THOC7: variants seen among roughly 807,000 people sequenced by gnomAD.
THOC7 encodes THO complex subunit 7.
A neutral mutation model predicts 33.1 loss-of-function variants in THOC7; 22 were observed. That is an observed-to-expected ratio of 0.66 (90% CI 0.47 to 0.95). The LOEUF is 0.95. THOC7 is among the 40% of genes least tolerant of loss of function. The pLI, the probability that THOC7 is intolerant of heterozygous loss-of-function variation, is 0.00. For missense variants in THOC7, 184 were observed against 245.3 expected (o/e 0.75, Z 1.67); for synonymous variants, 77 against 76.8 (o/e 1.00, Z -0.01).
At chr3:63,863,859 A>T, upstream of THOC7, 2 of 1,205,112 alleles carry the variant, frequency 1.7e-6, no homozygotes, top group Non-Finnish European at 1.0e-6. Flanking sequence ...GGCGGAGGTC[A>T]AACTCCCACA....
At chr3:63,834,351 G>T in intron 7 of THOC7, 152 bp from the exon 8 acceptor site, 1 of 731,698 alleles carries the variant, frequency 1.4e-6, no homozygotes, top group Non-Finnish European at 2.1e-6. Flanking sequence ...TTATGTGATA[G>T]ACTTCACTTA....
intron 1 of THOC7, among the ~76,000 whole-genome samples, chr3:63,844,125 A>G (rs1417185188): frequency 1.3e-5 from 2 of 152,232 alleles, no homozygotes; most frequent in East Asian, 3.9e-4. Flanking sequence ...GCATGATCAC[A>G]CTTACATATG....
intron 1 of THOC7, among the ~76,000 whole-genome samples, chr3:63,861,306 T>G (rs1702206640): frequency 6.6e-6 from 1 of 152,170 alleles, no homozygotes; most frequent in Admixed American, 6.5e-5. Flanking sequence ...CAAAGCCTGT[T>G]GCTCCTTTGG....
chr3:63,844,505 A>G (rs1315738283), intron 1 of THOC7, among the ~76,000 whole-genome samples: 1 of 152,232 alleles, frequency 6.6e-6, no homozygotes, highest in Non-Finnish European at 1.5e-5. Context: ...AAATAAATAC[A>G]TAAAAAAGAA....
chr3:63,859,253 T>C (rs577010760), intron 1 of THOC7, among the ~76,000 whole-genome samples: 1 of 152,386 alleles, frequency 6.6e-6, no homozygotes, highest in Admixed American at 6.5e-5. Flanking sequence ...ATCTAAAAGA[T>C]GAATTGGATC....
At chr3:63,835,696 T>C (rs1387329473) in intron 5 of THOC7, among the ~76,000 whole-genome samples, 1 of 152,120 alleles carries the variant, frequency 6.6e-6, no homozygotes, top group Non-Finnish European at 1.5e-5. Flanking sequence ...GAGGGTTTTT[T>C]ATTTTGGTAA....
chr3:63,853,401 C>T (rs1394595470), intron 1 of THOC7, among the ~76,000 whole-genome samples: 12 of 152,026 alleles, frequency 7.9e-5, no homozygotes, highest in Non-Finnish European at 1.5e-4. Context: ...ACCAGAAAAA[C>T]GAAACAAAAC....
At position 63,838,511 on chromosome 3, in the gene THOC7, G is replaced by C; in HGVS notation, c.138-12C>G. The C allele has an allele frequency of 6.3e-7, 1 of 1,575,958 alleles. No homozygotes were observed. The highest frequency in any genetic ancestry group is 8.6e-7 in the Non-Finnish European group (1 of 1,169,480). ...GGTACTGGCTATATCTAATGAAAAA[G>C]AAAGAAAACCAAAATAAAGATATTT... On this transcript the variant is annotated splice_polypyrimidine_tract_variant and intron_variant, in intron 2 of 7. Transcript: ENST00000295899.
chr3:63,863,715 C>G, intron 1 of THOC7, 57 bp downstream of exon 1: 1 of 1,248,578 alleles, frequency 8.0e-7, no homozygotes, highest in Non-Finnish European at 1.0e-6. Flanking sequence ...CCAGGGGTCT[C>G]AGGGGAGGCC....
rs570372737 is a variant in THOC7, at chr3:63,862,976, A to C, written c.19+796T>G. 4.6e-5 allele frequency among the ~76,000 whole-genome samples: 7 copies of C among 151,894 alleles called. 1 individual carries two copies. The highest frequency in any genetic ancestry group is 4.6e-4 in the Admixed American group (7 of 15,274). ...ATCCCAGCTGACAACCACCCTTCCT[A>C]ACACACACACATACATCTTTTATCG... On this transcript the variant is annotated intron_variant, in intron 1 of 7. Transcript: ENST00000295899.
Position 63,846,127 on chromosome 3 carries a change from C to A in THOC7, c.20-6354G>T, listed in dbSNP as rs531769076. 144 of 406,674 alleles carry A rather than the reference C, an allele frequency of 3.5e-4. 5 individuals are homozygous for A. Among genetic ancestry groups the A allele is most frequent in the South Asian group, 2.5e-3 (141 of 56,754 alleles). The allele number at this position is 406,674 out of a possible 1,614,324, so 25.2% of individuals were successfully genotyped here. A position where few individuals can be genotyped will look rare whatever the true frequency, so the allele number is the denominator to read the frequency against. Reference sequence around the variant, plus strand: ...ACCAAGGATGGTAAAACTGATGTAACTCCTACTGCCTCTCTCTCTCTTTCT... The same window carrying A: ...ACCAAGGATGGTAAAACTGATGTAAATCCTACTGCCTCTCTCTCTCTTTCT... On this transcript the variant is annotated intron_variant, in intron 1 of 7. Coordinates refer to ENST00000295899, the MANE Select transcript of THOC7 (RefSeq NM_025075.4).
chr3:63,837,901 CACA>C lies in THOC7; in HGVS notation c.352+72_352+74del, dbSNP rs143321173. The stretch of plus-strand genomic sequence containing the variant: ...TTGATTCAGGCTGCAGATTTTACCT[CACA>C]ACATTAAAAACTGCATGAAAACTGT... On this transcript the variant is annotated intron_variant, in intron 4 of 7. Coordinates refer to ENST00000295899, the MANE Select transcript of THOC7 (RefSeq NM_025075.4). 6.1e-4 allele frequency: 831 copies of C among 1,355,036 alleles called. 6 individuals are homozygous for C. The African/African-American group carries it at 0.012, about 19-fold the overall frequency. The allele number at this position is 1,355,036 out of a possible 1,614,324, so 83.9% of individuals were successfully genotyped here.
chr3:63,864,446 GCCGGCACTTGCGCGGGGC>G (rs907152039), upstream of THOC7: 1 of 152,100 alleles, frequency 6.6e-6, no homozygotes, highest in African/African-American at 2.4e-5. Flanking sequence ...GGTCTCGAAC[GCCGGCACTTGCGCGGGGC>G]GCGGCCGGCA....
At chr3:63,834,817 G>A (rs2087704) in intron 7 of THOC7, among the ~76,000 whole-genome samples, 1 of 151,852 alleles carries the variant, frequency 6.6e-6, no homozygotes, top group Non-Finnish European at 1.5e-5. Context: ...GCAAATGTTC[G>A]TATGTACTGA....
chr3:63,851,682 G>A (rs1462081375), intron 1 of THOC7, among the ~76,000 whole-genome samples: 1 of 152,106 alleles, frequency 6.6e-6, no homozygotes, highest in Admixed American at 6.5e-5. Flanking sequence ...TTTTTCTATC[G>A]TTGGCCTCTC....
At chr3:63,848,364 G>A (rs943004546) in intron 1 of THOC7, 2 of 151,252 alleles carry the variant, frequency 1.3e-5, no homozygotes, top group African/African-American at 4.9e-5. Context: ...TTGATTCCAG[G>A]TCTTCAGACA....
upstream of THOC7, chr3:63,863,893 G>A (rs897655781): frequency 2.3e-5 from 26 of 1,139,794 alleles, no homozygotes; most frequent in Non-Finnish European, 2.8e-5. Flanking sequence ...AACAGCCATG[G>A]AGGAGGAGGC....
chr3:63,839,549 C>T (rs1701711921), intron 2 of THOC7, 107 bp downstream of exon 2: 5 of 915,242 alleles, frequency 5.5e-6, no homozygotes, highest in Non-Finnish European at 8.9e-6. Context: ...GTTGACTCCA[C>T]TGTACATTTA....
rs542014690 is a variant in THOC7 at position 63,853,264 on chromosome 3, C to A, written c.19+10508G>T. Among the ~76,000 whole-genome samples, 5 of 151,982 alleles carry A rather than the reference C, an allele frequency of 3.3e-5. No homozygotes were observed. The South Asian group carries it at 1.0e-3, about 32-fold the overall frequency. On this transcript the variant is annotated intron_variant, in intron 1 of 7. Transcript: ENST00000295899. ...GGCCAATGCCAACATTGGGGTGGCACAAGTAGGAGTGTGGCACCACTAGTT... is the reference window on the plus strand; with the variant it reads ...GGCCAATGCCAACATTGGGGTGGCAAAAGTAGGAGTGTGGCACCACTAGTT...
Sources: gnomAD v4.1 joint callset for allele counts (sites outside exome capture counted in the v4.1 genomes callset) on GRCh38, gnomAD v4.1.1 for gene constraint, MANE v1.5 for transcripts, NCBI Gene and HGNC (gene_info 2026-07-23, HGNC 2026-07-21) for gene names.